ATRNL1: variants seen among roughly 807,000 people sequenced by gnomAD.
ATRNL1 encodes the protein attractin like 1.
Under a neutral mutation model 182.7 loss-of-function variants are expected in ATRNL1, and 95 were observed. That is an observed-to-expected ratio of 0.52 (90% confidence interval 0.44 to 0.62). ATRNL1 has a LOEUF of 0.62. Among genes scored for constraint, ATRNL1 ranks in the 20% least tolerant of loss-of-function variants. ATRNL1 has a pLI of 0.00. For missense variants in ATRNL1, 1,471 were observed against 1,679.5 expected, an observed-to-expected ratio of 0.88 and a Z score of 2.17; for synonymous variants, 576 against 568.3, an observed-to-expected ratio of 1.01 and a Z score of -0.19.
intron 27 of ATRNL1, among the ~76,000 whole-genome samples, chr10:115,769,179 G>T (rs546938297): frequency 1.3e-5 from 2 of 152,086 alleles, no homozygotes; most frequent in African/African-American, 2.4e-5. Flanking sequence ...CAGTTTCAAA[G>T]TTGTAAAAGT....
At chr10:115,679,303 T>G (rs1432457125) in intron 26 of ATRNL1, among the ~76,000 whole-genome samples, 4 of 151,786 alleles carry the variant, frequency 2.6e-5, no homozygotes, top group African/African-American at 4.9e-5. Context: ...TTTTTGTTTG[T>G]TTGGTTGGTT....
chr10:115,484,305 C>G (rs151126355), intron 24 of ATRNL1, among the ~76,000 whole-genome samples: 8 of 151,432 alleles, frequency 5.3e-5, no homozygotes, highest in African/African-American at 1.7e-4. Context: ...TCTCTACTTA[C>G]AGATTATGCT....
rs149108239 is a variant in ATRNL1 at position 115,674,953 on chromosome 10, C to T, written c.3796-52295C>T. 5.3e-5 allele frequency among the ~76,000 whole-genome samples: 8 copies of T among 152,224 alleles called. No homozygotes were observed. In the East Asian group the frequency reaches 1.4e-3, roughly 26 times the overall value. ...CATGACTGTATCACCAAATATGATA[C>T]ATTTCTCTCCTAAAACCTTAGTGAT... On this transcript the variant is annotated intron_variant, in intron 26 of 28. Transcript: ENST00000355044.
intron 5 of ATRNL1, among the ~76,000 whole-genome samples, chr10:115,142,893 A>G (rs1417689132): frequency 6.6e-6 from 1 of 152,218 alleles, no homozygotes; most frequent in Non-Finnish European, 1.5e-5. Flanking sequence ...GTTTGAGCAA[A>G]TGGAAAGACA....
chr10:115,811,422 G>A (rs1248031386), intron 27 of ATRNL1, among the ~76,000 whole-genome samples: 1 of 151,950 alleles, frequency 6.6e-6, no homozygotes, highest in African/African-American at 2.4e-5. Flanking sequence ...ATTTAGATTT[G>A]AATTGAAGGT....
At chr10:115,363,358 T>A (rs1462368651) in intron 19 of ATRNL1, among the ~76,000 whole-genome samples, 1 of 148,240 alleles carries the variant, frequency 6.7e-6, no homozygotes, top group African/African-American at 2.5e-5. Flanking sequence ...CACTTTTTGA[T>A]GGGGTTGTTT....
intron 25 of ATRNL1, among the ~76,000 whole-genome samples, chr10:115,533,280 T>G (rs1851718612): frequency 6.6e-6 from 1 of 152,012 alleles, no homozygotes; most frequent in African/African-American, 2.4e-5. Flanking sequence ...CAGTTTCAGA[T>G]GGTGTTATTG....
intron 9 of ATRNL1, among the ~76,000 whole-genome samples, chr10:115,220,050 T>C (rs1352565489): frequency 6.6e-6 from 1 of 152,228 alleles, no homozygotes; most frequent in Non-Finnish European, 1.5e-5. Context: ...AGGTGACTTA[T>C]TAATTCTCTC....
chr10:115,570,416 A>G (rs782299622), intron 26 of ATRNL1, among the ~76,000 whole-genome samples: 2 of 152,234 alleles, frequency 1.3e-5, no homozygotes, highest in Non-Finnish European at 2.9e-5. Context: ...CTTTCTGACC[A>G]TAGCAAACAT....
chr10:115,282,407 C>A (rs371403004), intron 14 of ATRNL1, among the ~76,000 whole-genome samples: 17 of 151,166 alleles, frequency 1.1e-4, no homozygotes, highest in Non-Finnish European at 2.2e-4. Context: ...ATCCCTCCCC[C>A]CTCTCCCCAC....
intron 13 of ATRNL1, among the ~76,000 whole-genome samples, chr10:115,269,590 T>A (rs573349589): frequency 8.9e-4 from 135 of 152,222 alleles, no homozygotes; most frequent in Admixed American, 9.2e-4. Context: ...CACCTCAGCC[T>A]CCCAAAGTGC....
intron 27 of ATRNL1, among the ~76,000 whole-genome samples, chr10:115,774,671 A>C (rs1413363643): frequency 1.3e-5 from 2 of 152,154 alleles, no homozygotes; most frequent in South Asian, 4.1e-4. Context: ...ACCGTCCAAC[A>C]ATAAGATACG....
chr10:115,502,838 C>T (rs1849912838), intron 24 of ATRNL1, among the ~76,000 whole-genome samples: 1 of 152,030 alleles, frequency 6.6e-6, no homozygotes, highest in South Asian at 2.1e-4. Context: ...CACGTGTATA[C>T]CTATGTAACA....
At chr10:115,634,308 A>G (rs1321584351) in intron 26 of ATRNL1, among the ~76,000 whole-genome samples, 2 of 152,158 alleles carry the variant, frequency 1.3e-5, no homozygotes, top group Non-Finnish European at 2.9e-5. Context: ...GCATTTCATT[A>G]GTGTCTATAA....
At chr10:115,668,791 A>G (rs1405564894) in intron 26 of ATRNL1, among the ~76,000 whole-genome samples, 1 of 152,042 alleles carries the variant, frequency 6.6e-6, no homozygotes. Context: ...TACTTTTACT[A>G]CTCTCATCAG....
chr10:115,222,256 T>C (rs1849496863), intron 9 of ATRNL1, among the ~76,000 whole-genome samples: 1 of 151,358 alleles, frequency 6.6e-6, no homozygotes, highest in African/African-American at 2.4e-5. Flanking sequence ...GAAGGAAACA[T>C]CCAGAAGGAA....
intron 19 of ATRNL1, among the ~76,000 whole-genome samples, chr10:115,341,893 G>T (rs1554938463): frequency 2.0e-5 from 3 of 151,828 alleles, no homozygotes; most frequent in African/African-American, 4.8e-5. Flanking sequence ...TTTATCATAG[G>T]CTACATGTGT....
chr10:115,611,316 G>T (rs1482390744), intron 26 of ATRNL1, among the ~76,000 whole-genome samples: 1 of 152,010 alleles, frequency 6.6e-6, no homozygotes, highest in Non-Finnish European at 1.5e-5. Flanking sequence ...CCTTTGGAGA[G>T]CAATTTTTAT....
intron 24 of ATRNL1, among the ~76,000 whole-genome samples, chr10:115,470,260 CACTT>C (rs1249843188): frequency 6.7e-6 from 1 of 150,088 alleles, no homozygotes; most frequent in African/African-American, 2.4e-5. Context: ...GTTGATGTAA[CACTT>C]AAATTATGGA....
Sources: allele counts gnomAD v4.1 joint callset (sites outside exome capture counted in the v4.1 genomes callset), GRCh38; gene constraint gnomAD v4.1.1; transcripts MANE v1.5; gene names NCBI Gene and HGNC (gene_info 2026-07-23, HGNC 2026-07-21).